MEOX2: variants seen among roughly 807,000 people sequenced by gnomAD.
MEOX2 encodes the protein mesenchyme homeobox 2.
A neutral mutation model predicts 27.0 loss-of-function variants in MEOX2; 11 were observed. The observed-to-expected ratio is 0.41, with a 90% CI of 0.26 to 0.68. The LOEUF is 0.68. MEOX2 is among the 30% of genes least tolerant of loss of function. MEOX2 has a pLI of 0.33. For missense variants in MEOX2, 436 were observed against 385.4 expected, an observed-to-expected ratio of 1.13 and a Z score of -1.10; for synonymous variants, 189 against 155.4, an observed-to-expected ratio of 1.22 and a Z score of -1.61.
At position 15,612,174 on chromosome 7, in the gene MEOX2, A is replaced by T. The variant is rs1371897793; in HGVS notation, c.*213T>A. The T allele has an allele frequency of 1.7e-6, 1 of 587,578 alleles. No homozygotes were observed. Among genetic ancestry groups the T allele is most frequent in the African/African-American group, 1.9e-5 (1 of 53,656 alleles). The allele number at this position is 587,578 out of a possible 1,614,324, so 36.4% of individuals were successfully genotyped here. On this transcript the variant is annotated 3_prime_UTR_variant, in exon 3 of 3. Transcript: ENST00000262041. ...CAAACACATCTGGAATATTCAAAGCAAGTTCACCTTCTCCATCTTCACTGT... is the reference window on the plus strand; with the variant it reads ...CAAACACATCTGGAATATTCAAAGCTAGTTCACCTTCTCCATCTTCACTGT...
Position 15,686,172 on chromosome 7 carries a change from ATGGTGGTGGTGG to A in MEOX2, c.219_230del (p.His77_His80del), listed in dbSNP as rs113582077. The stretch of plus-strand genomic sequence containing the variant: ...GGTGCTGCTGCTGCTGATGGTGGTG[ATGGTGGTGGTGG>A]TGGTGGTGGTGGTGGTGCCCCCTGT... On this transcript the variant is annotated inframe_deletion, in exon 1 of 3. Coordinates refer to ENST00000262041, the MANE Select transcript of MEOX2 (RefSeq NM_005924.5). 2.1e-4 allele frequency: 327 copies of A among 1,532,414 alleles called. No homozygotes were observed. Among genetic ancestry groups the A allele is most frequent in the African/African-American group, 2.1e-3 (153 of 72,316 alleles). 94.9% of individuals were successfully genotyped at this position (1,532,414 alleles called of 1,614,324 possible).
chr7:15,617,522 T>C (rs1781142438), intron 2 of MEOX2, among the ~76,000 whole-genome samples: 1 of 151,964 alleles, frequency 6.6e-6, no homozygotes, highest in Admixed American at 6.6e-5. Flanking sequence ...AGGTGAAAAA[T>C]GGGGAAAAGA....
intron 1 of MEOX2, among the ~76,000 whole-genome samples, chr7:15,629,428 G>T (rs960721368): frequency 6.6e-6 from 1 of 152,076 alleles, no homozygotes; most frequent in Non-Finnish European, 1.5e-5. Flanking sequence ...TTTACTGAAT[G>T]CTTGAATACC....
intron 1 of MEOX2, among the ~76,000 whole-genome samples, chr7:15,670,156 T>C (rs1461206922): frequency 6.6e-6 from 1 of 152,252 alleles, no homozygotes; most frequent in Non-Finnish European, 1.5e-5. Flanking sequence ...AATGATTTCA[T>C]ATTTCTGATT....
intron 1 of MEOX2, among the ~76,000 whole-genome samples, chr7:15,678,692 C>G (rs1782242648): frequency 6.6e-6 from 1 of 152,214 alleles, no homozygotes; most frequent in Non-Finnish European, 1.5e-5. Context: ...AAATAACTAT[C>G]ACTTTGCAAA....
intron 1 of MEOX2, among the ~76,000 whole-genome samples, chr7:15,651,701 A>G (rs1027479119): frequency 2.4e-4 from 36 of 152,058 alleles, no homozygotes; most frequent in African/African-American, 8.4e-4. Flanking sequence ...TCAGTGCTCA[A>G]GAGCCCCTTG....
Position 15,612,436 on chromosome 7 carries a change from T to A in MEOX2, c.866A>T (p.Asn289Ile). 1 of 1,614,156 alleles carries A rather than the reference T, an allele frequency of 6.2e-7. No individual in the cohort carries two copies. Among genetic ancestry groups the A allele is most frequent in the East Asian group, 2.2e-5 (1 of 44,864 alleles). Reference sequence around the variant, plus strand: ...GTGGTCACTGTCGTGACTGTCTTCATTTGCTATAGAGTCCCCTGTTTGCTG... The same window carrying A: ...GTGGTCACTGTCGTGACTGTCTTCAATTGCTATAGAGTCCCCTGTTTGCTG... The part of the protein sequence containing the change: ...TLQQTGDSIA[N>I]EDSHDSDHSS... Residue 289 changes from asparagine to isoleucine, a missense_variant, in exon 3 of 3, where the codon AAT (asparagine) becomes ATT (isoleucine). By Grantham distance (149) the Asn-to-Ile change is moderately radical. Coordinates refer to ENST00000262041, the MANE Select transcript of MEOX2 (RefSeq NM_005924.5).
At chr7:15,674,739 G>C (rs951470689) in intron 1 of MEOX2, among the ~76,000 whole-genome samples, 3 of 152,138 alleles carry the variant, frequency 2.0e-5, no homozygotes, top group Non-Finnish European at 1.5e-5. Context: ...CTGCTCCAGA[G>C]GTTACACAGT....
intron 1 of MEOX2, among the ~76,000 whole-genome samples, chr7:15,637,438 C>T (rs1347771601): frequency 1.3e-5 from 2 of 151,928 alleles, no homozygotes; most frequent in African/African-American, 2.4e-5. Flanking sequence ...GAAGCATACA[C>T]ATTTTTGTTT....
At chr7:15,625,041 T>C (rs542978128) in intron 2 of MEOX2, among the ~76,000 whole-genome samples, 1 of 152,148 alleles carries the variant, frequency 6.6e-6, no homozygotes, top group Non-Finnish European at 1.5e-5. Flanking sequence ...CCCCAAAATG[T>C]CAAGTACAGA....
rs568178264 is a variant in MEOX2 at position 15,686,343 on chromosome 7, G to A, written c.60C>T (p.His20=). Residue 20 remains histidine (H), a synonymous_variant, in exon 1 of 3, where the codon CAC becomes CAT. Coordinates refer to ENST00000262041, the MANE Select transcript of MEOX2 (RefSeq NM_005924.5). ...GGGCGAGAGAGGATTGGGAGAACGG[G>A]TGCAAGCCTTGCGCCGTGGCGTGAG... The part of the protein sequence containing the change: ...RSPHATAQGL[H]PFSQSSLALH... 204 of 1,599,692 alleles carry A rather than the reference G, an allele frequency of 1.3e-4. 5 individuals are homozygous for A. In the South Asian group the frequency reaches 2.0e-3, roughly 15 times the overall value.
At chr7:15,622,387 C>T (rs1458504745) in intron 2 of MEOX2, among the ~76,000 whole-genome samples, 1 of 151,960 alleles carries the variant, frequency 6.6e-6, no homozygotes, top group South Asian at 2.1e-4. Context: ...TAAAATGAGC[C>T]TATAAGTCCT....
intron 1 of MEOX2, among the ~76,000 whole-genome samples, chr7:15,667,289 CAAAAAAAAA>C (rs532691969): frequency 4.9e-5 from 2 of 40,980 alleles, no homozygotes; most frequent in Non-Finnish European, 8.3e-5. Context: ...GACTCTGTCT[CAAAAAAAAA>C]AAAAAAAAAA....
intron 1 of MEOX2, among the ~76,000 whole-genome samples, chr7:15,666,779 A>AAATATATATAT (rs1782014585): frequency 3.0e-5 from 1 of 33,316 alleles, no homozygotes; most frequent in African/African-American, 1.1e-4. Flanking sequence ...AAAAAAAAAA[A>AAATATATATAT]ATATATATAT....
intron 2 of MEOX2, among the ~76,000 whole-genome samples, chr7:15,619,520 C>T (rs1326394794): frequency 2.6e-5 from 4 of 151,864 alleles, no homozygotes; most frequent in African/African-American, 4.8e-5. Context: ...GCTTGATGAA[C>T]GTTTACAGCA....
Position 15,643,044 on chromosome 7 carries a change from A to G in MEOX2, c.518-16126T>C, listed in dbSNP as rs547237000. Reference sequence around the variant, plus strand: ...TCCTCCCTGTGCAGTTCTGTCAACAATTATATTGGGTCATGCAGTTTATGC... The same window carrying G: ...TCCTCCCTGTGCAGTTCTGTCAACAGTTATATTGGGTCATGCAGTTTATGC... On this transcript the variant is annotated intron_variant, in intron 1 of 2. Transcript: ENST00000262041. 6.6e-5 allele frequency among the ~76,000 whole-genome samples: 10 copies of G among 152,286 alleles called. No homozygotes were observed. In the East Asian group the frequency reaches 1.9e-3, roughly 29 times the overall value.
At position 15,637,143 on chromosome 7, in the gene MEOX2, A is replaced by T. The variant is rs952610170; in HGVS notation, c.518-10225T>A. Among the ~76,000 whole-genome samples, 5 of 152,078 alleles carry T rather than the reference A, an allele frequency of 3.3e-5. No individual in the cohort carries two copies. The South Asian group carries it at 1.0e-3, about 32-fold the overall frequency. On this transcript the variant is annotated intron_variant, in intron 1 of 2. Transcript: ENST00000262041. The stretch of plus-strand genomic sequence containing the variant: ...AGTCTGAAATGTTTTTTAAAATCAT[A>T]CTTAATTTCATATTAGTTTAAATGT...
At chr7:15,630,400 T>G (rs547626836) in intron 1 of MEOX2, among the ~76,000 whole-genome samples, 53 of 152,160 alleles carry the variant, frequency 3.5e-4, no homozygotes, top group African/African-American at 1.3e-3. Context: ...TGGGAGGGCT[T>G]GGTCTGTTCA....
chr7:15,678,469 T>A (rs763378709), intron 1 of MEOX2, among the ~76,000 whole-genome samples: 1 of 152,230 alleles, frequency 6.6e-6, no homozygotes, highest in Non-Finnish European at 1.5e-5. Flanking sequence ...CCTACCAACA[T>A]AAATCAATGA....
Sources: allele counts gnomAD v4.1 joint callset (sites outside exome capture counted in the v4.1 genomes callset), GRCh38; gene constraint gnomAD v4.1.1; transcripts MANE v1.5; gene names NCBI Gene and HGNC (gene_info 2026-07-23, HGNC 2026-07-21).